The following GRM4 variants were observed in gnomAD, a reference collection of about 807,000 sequenced individuals.
The protein encoded by GRM4 is glutamate metabotropic receptor 4, also known as metabotropic glutamate receptor 4.
GRM4 carries 28 observed loss-of-function variants against 81.7 expected under a neutral mutation model. The ratio of observed to expected loss-of-function variants is 0.34; its 90% CI spans 0.25 to 0.47. The LOEUF is 0.47. Among genes scored for constraint, GRM4 ranks in the 20% least tolerant of loss-of-function variants. GRM4 has a pLI of 1.00. For synonymous variants in GRM4, 488 were observed against 528.8 expected (o/e 0.92, Z 1.06); for missense variants, 948 against 1,290.0 (o/e 0.73, Z 4.06).
At chr6:34,077,836 C>T (rs973716354) in intron 3 of GRM4, among the ~76,000 whole-genome samples, 9 of 152,160 alleles carry the variant, frequency 5.9e-5, no homozygotes, top group African/African-American at 2.2e-4. Context: ...CCCCAAGCTC[C>T]TCCTCCCCTG....
At chr6:34,125,833 A>G (rs1365755155) in intron 2 of GRM4, among the ~76,000 whole-genome samples, 5 of 152,182 alleles carry the variant, frequency 3.3e-5, no homozygotes, top group Non-Finnish European at 2.9e-5. Context: ...CTATCTCGGC[A>G]GGGGGCTTCT....
rs150379753 is a variant in GRM4, at chr6:34,079,422, G to A, written c.736+12461C>T. Among the ~76,000 whole-genome samples the A allele has an allele frequency of 5.6e-4, 86 of 152,248 alleles. 2 individuals carry two copies. Among genetic ancestry groups the A allele is most frequent in the Middle Eastern group, 3.4e-3 (1 of 294 alleles). ...TTAGCCAGAGACACAAGAGATTTTT[G>A]GAGACAACTGCTTCAAACCTCTCGT... On this transcript the variant is annotated intron_variant, in intron 3 of 10. Coordinates refer to ENST00000538487, the MANE Select transcript of GRM4 (RefSeq NM_000841.4).
At position 34,036,042 on chromosome 6, in the gene GRM4, C is replaced by G; in HGVS notation, c.2068G>C (p.Ala690Pro). The change falls in exon 9 of 11, where the codon GCC (alanine) becomes CCC (proline). Residue 690 changes from alanine (A) to proline (P), a missense_variant. Coordinates refer to ENST00000538487, the MANE Select transcript of GRM4 (RefSeq NM_000841.4). This position sits in a 1 kb window ranked among gnomAD's most constrained non-coding sequence, Gnocchi z 9.0. ...IFEQGKRSVS[A>P]PRFISPASQL... ...GAGGCGGGGCTGATGAAGCGTGGGG[C>G]ACTGACCGAGCGCTTGCCCTGCTCG... 6.2e-7 allele frequency: 1 copy of G among 1,614,090 alleles called. No homozygotes were observed. The highest frequency in any genetic ancestry group is 1.7e-5 in the Admixed American group (1 of 60,026).
chr6:34,067,008 G>A (rs560627971), intron 3 of GRM4, among the ~76,000 whole-genome samples: 18 of 152,150 alleles, frequency 1.2e-4, no homozygotes, highest in Non-Finnish European at 1.9e-4. Flanking sequence ...ATGCCCACCT[G>A]CCTGGGGCTG....
chr6:34,118,492 T>C (rs979454329), intron 2 of GRM4, among the ~76,000 whole-genome samples: 1 of 152,216 alleles, frequency 6.6e-6, no homozygotes, highest in African/African-American at 2.4e-5. Context: ...CCCCCACACA[T>C]TAACTTCTCT....
At chr6:34,147,984 A>G (rs961807712), upstream of GRM4, among the ~76,000 whole-genome samples, 1 of 151,350 alleles carries the variant, frequency 6.6e-6, no homozygotes, top group African/African-American at 2.4e-5. Context: ...GATAAAACAA[A>G]CCCAGCCACT....
At chr6:34,124,519 C>A (rs1049583874) in intron 2 of GRM4, among the ~76,000 whole-genome samples, 29 of 152,254 alleles carry the variant, frequency 1.9e-4, no homozygotes, top group African/African-American at 7.0e-4. Flanking sequence ...GCAGGGCTCA[C>A]CCGAGTGCTT....
chr6:34,068,958 G>T lies in GRM4; in HGVS notation c.737-6930C>A, dbSNP rs181703618. 6.6e-6 allele frequency among the ~76,000 whole-genome samples: 1 copy of T among 152,208 alleles called. No homozygotes were observed. The highest frequency in any genetic ancestry group is 6.5e-5 in the Admixed American group (1 of 15,288). Reference sequence around the variant, plus strand: ...AGAATTTTTTTTTAATTTAAAAAGAGAGGAAAATAATGAAAAGACAAACCC... The same window carrying T: ...AGAATTTTTTTTTAATTTAAAAAGATAGGAAAATAATGAAAAGACAAACCC... On this transcript the variant is annotated intron_variant, in intron 3 of 10. Coordinates refer to ENST00000538487, the MANE Select transcript of GRM4 (RefSeq NM_000841.4). This position sits in a 1 kb window ranked among gnomAD's most constrained non-coding sequence, Gnocchi z 4.2.
At chr6:34,154,963 C>G in intron 1 of GRM4, 1 of 816,990 alleles carries the variant, frequency 1.2e-6, no homozygotes. Context: ...CACCCAGCGG[C>G]CGGGCCTGGG....
rs893083550 is a variant in GRM4, at chr6:34,092,263, A to T, written c.520-164T>A. Among the ~76,000 whole-genome samples the T allele has an allele frequency of 2.0e-5, 3 of 152,004 alleles. No homozygotes were observed. Among genetic ancestry groups the T allele is most frequent in the African/African-American group, 7.3e-5 (3 of 41,364 alleles). On this transcript the variant is annotated intron_variant, in intron 2 of 10. Coordinates refer to ENST00000538487, the MANE Select transcript of GRM4 (RefSeq NM_000841.4). This position sits in a 1 kb window ranked among gnomAD's most constrained non-coding sequence, Gnocchi z 6.8. ...GCCTCCTCCTCCAGAAAGTCTCCCA[A>T]CCGGCCTCCCTGGGGTCCCCAAAGA...
intron 6 of GRM4, chr6:34,054,038 G>A (rs1278089395): frequency 2.0e-5 from 3 of 152,228 alleles, no homozygotes; most frequent in East Asian, 3.9e-4. Context: ...CTCCATTAAC[G>A]CTTCACTTCC....
At position 34,036,956 on chromosome 6, in the gene GRM4, GC is replaced by G. The variant is rs1764744084; in HGVS notation, c.1507-354del. Among the ~76,000 whole-genome samples the G allele has an allele frequency of 6.6e-6, 1 of 152,168 alleles. No individual in the cohort carries two copies. The highest frequency in any genetic ancestry group is 1.5e-5 in the Non-Finnish European group (1 of 68,034). On this transcript the variant is annotated intron_variant, in intron 8 of 10. Transcript: ENST00000538487. This position sits in a 1 kb window ranked among gnomAD's most constrained non-coding sequence, Gnocchi z 9.0. ...AGAGTCCTGACTCTTAGCCCCTAAG[GC>G]CTTGCTGCTCACAGTGGTCCCCAGG...
intron 3 of GRM4, chr6:34,062,595 C>A (rs1273894408): frequency 6.7e-6 from 1 of 148,862 alleles, no homozygotes; most frequent in East Asian, 2.0e-4. Flanking sequence ...AGGCATCAGT[C>A]CCTGCTACAC....
intron 1 of GRM4, among the ~76,000 whole-genome samples, chr6:34,137,906 T>C (rs1339525127): frequency 6.6e-6 from 1 of 152,028 alleles, no homozygotes; most frequent in African/African-American, 2.4e-5. Flanking sequence ...CTCTTCTTAG[T>C]ATAATATTAA....
rs1258429881 is a variant in GRM4, at chr6:34,090,474, C to T, written c.736+1409G>A. ...CCAAGGGAGGGGCTGGGCTCTGGGG[C>T]TCGGAGGCTCTGACACTGTCCGCCA... is the stretch of plus-strand genomic sequence containing the variant. On this transcript the variant is annotated intron_variant, in intron 3 of 10. Transcript: ENST00000538487. The surrounding 1 kb of genome is among the most constrained non-coding windows in gnomAD (Gnocchi z 5.2). Among the ~76,000 whole-genome samples, 1 of 152,066 alleles carries T rather than the reference C, an allele frequency of 6.6e-6. No homozygotes were observed. The highest frequency in any genetic ancestry group is 6.5e-5 in the Admixed American group (1 of 15,276).
intron 3 of GRM4, among the ~76,000 whole-genome samples, chr6:34,085,349 C>T (rs1767830399): frequency 6.6e-6 from 1 of 152,220 alleles, no homozygotes; most frequent in Non-Finnish European, 1.5e-5. Context: ...CCCCACAGTT[C>T]ACCTGACGCA....
intron 9 of GRM4, among the ~76,000 whole-genome samples, chr6:34,031,377 T>A (rs1291929825): frequency 6.6e-6 from 1 of 152,152 alleles, no homozygotes; most frequent in Non-Finnish European, 1.5e-5. Flanking sequence ...GAGCTGAGTT[T>A]GATACAGGAG....
In GRM4 at chr6:34,022,608, G is replaced by A. The variant is rs1763932691; in HGVS notation, c.*213C>T. On this transcript the variant is annotated 3_prime_UTR_variant, in exon 11 of 11. Coordinates refer to ENST00000538487, the MANE Select transcript of GRM4 (RefSeq NM_000841.4). This position sits in a 1 kb window ranked among gnomAD's most constrained non-coding sequence, Gnocchi z 5.6. ...AGACGCAGGTTCTTGTGGTAGCCTGGCACCGCCCCGGCCCCTCGTCCTCCT... is the reference window on the plus strand; with the variant it reads ...AGACGCAGGTTCTTGTGGTAGCCTGACACCGCCCCGGCCCCTCGTCCTCCT... 1 of 589,072 alleles carries A rather than the reference G, an allele frequency of 1.7e-6. No individual in the cohort carries two copies. Among genetic ancestry groups the A allele is most frequent in the Non-Finnish European group, 3.0e-6 (1 of 328,822 alleles). 36.5% of individuals were successfully genotyped at this position (589,072 alleles called of 1,614,324 possible).
At chr6:34,124,160 C>T (rs1054772281) in intron 2 of GRM4, among the ~76,000 whole-genome samples, 1 of 152,206 alleles carries the variant, frequency 6.6e-6, no homozygotes, top group Non-Finnish European at 1.5e-5. Context: ...GGTTTGAAGG[C>T]CTTCTCCCTG....
Sources: allele counts gnomAD v4.1 joint callset (sites outside exome capture counted in the v4.1 genomes callset), GRCh38; gene constraint gnomAD v4.1.1; non-coding constraint Gnocchi (gnomAD v3.1); transcripts MANE v1.5; gene names NCBI Gene and HGNC (gene_info 2026-07-23, HGNC 2026-07-21).